KCNT2: variants seen among roughly 807,000 people sequenced by gnomAD.
KCNT2 encodes the protein potassium channel subfamily T member 2.
Under a neutral mutation model 153.8 loss-of-function variants are expected in KCNT2, and 67 were observed. That is an observed-to-expected ratio of 0.44 (90% CI 0.36 to 0.53). The LOEUF (loss-of-function observed/expected upper bound fraction) is 0.53. KCNT2 is among the 20% of genes least tolerant of loss of function. The pLI is 0.00. For synonymous variants in KCNT2, 500 were observed against 458.8 expected (o/e 1.09, Z -1.15); for missense variants, 975 against 1,354.8 (o/e 0.72, Z 4.40).
chr1:196,427,581 C>T (rs1673764166), intron 10 of KCNT2, among the ~76,000 whole-genome samples: 1 of 151,874 alleles, frequency 6.6e-6, no homozygotes. Context: ...CTCAATTCAG[C>T]TAGTTATTGT....
intron 23 of KCNT2, among the ~76,000 whole-genome samples, chr1:196,284,248 A>AATATATATAT (rs1553271463): frequency 1.5e-3 from 15 of 10,046 alleles, no homozygotes; most frequent in Non-Finnish European, 3.7e-3. Flanking sequence ...AAAAAAAAAA[A>AATATATATAT]ATATATATAT....
At chr1:196,300,697 GTTTC>G (rs1661106431) in intron 22 of KCNT2, among the ~76,000 whole-genome samples, 1 of 152,086 alleles carries the variant, frequency 6.6e-6, no homozygotes, top group African/African-American at 2.4e-5. Context: ...CAGATTCCCT[GTTTC>G]TTTGAGTCTT....
chr1:196,428,195 A>T lies in KCNT2; in HGVS notation c.894T>A (p.Thr298=). 6.2e-7 allele frequency: 1 copy of T among 1,612,628 alleles called. No homozygotes were observed. Among genetic ancestry groups the T allele is most frequent in the Non-Finnish European group, 8.5e-7 (1 of 1,178,934 alleles). The change falls in exon 10 of 28, where the codon ACT becomes ACA. Residue 298 remains threonine, a synonymous_variant. Coordinates refer to ENST00000294725, the MANE Select transcript of KCNT2 (RefSeq NM_198503.5). ...GGNYSRHRAQ[T]EKHVVLCVSS... is the part of the protein sequence containing the mutation. ...TGACACACAGGACGACATGCTTTTC[A>T]GTTTGAGCTCTATGTCGACTATAGT...
intron 26 of KCNT2, among the ~76,000 whole-genome samples, chr1:196,240,409 AAAT>A (rs1239308246): frequency 2.0e-5 from 3 of 152,042 alleles, no homozygotes; most frequent in Non-Finnish European, 4.4e-5. Context: ...TATAATTTAA[AAAT>A]AATATGTTCA....
chr1:196,387,017 G>T (rs1670051021), intron 13 of KCNT2, among the ~76,000 whole-genome samples: 1 of 151,836 alleles, frequency 6.6e-6, no homozygotes, highest in Admixed American at 6.6e-5. Flanking sequence ...TTATAATTAG[G>T]TGAATAACAA....
intron 22 of KCNT2, among the ~76,000 whole-genome samples, chr1:196,295,983 T>C (rs1660642912): frequency 6.6e-6 from 1 of 152,010 alleles, no homozygotes; most frequent in Non-Finnish European, 1.5e-5. Context: ...GAGTCTAGAC[T>C]ACTTTGTTGT....
rs371191323 is a variant in KCNT2, at chr1:196,228,282, C to A, written c.3350G>T (p.Arg1117Leu). 1.9e-6 allele frequency: 3 copies of A among 1,611,294 alleles called. No homozygotes were observed. The highest frequency in any genetic ancestry group is 2.2e-5 in the East Asian group (1 of 44,698). ...LAYLPNSEPS[R>L]RNSICNVTGQ... ...AGTGACATTGCAGATGCTGTTTCTT[C>A]GACTGGGCTCACTGTTTGGAAGGTA... Residue 1117 changes from arginine (R) to leucine (L), a missense_variant, in exon 28 of 28, where the codon CGA becomes CTA. By Grantham distance (102) the Arg-to-Leu change is moderately radical (BLOSUM62 -2). Coordinates refer to ENST00000294725, the MANE Select transcript of KCNT2 (RefSeq NM_198503.5).
intron 14 of KCNT2, among the ~76,000 whole-genome samples, chr1:196,349,598 C>A (rs895162023): frequency 2.0e-5 from 3 of 152,160 alleles, no homozygotes; most frequent in Admixed American, 2.0e-4. Flanking sequence ...AGCGGTACAC[C>A]CTATAGACTC....
chr1:196,243,558 A>G (rs1655151479), intron 26 of KCNT2, among the ~76,000 whole-genome samples: 1 of 152,134 alleles, frequency 6.6e-6, no homozygotes, highest in Admixed American at 6.5e-5. Flanking sequence ...AGTGACTGTG[A>G]GACTGCATTG....
At chr1:196,592,126 C>T (rs760569999) in intron 1 of KCNT2, among the ~76,000 whole-genome samples, 8 of 152,068 alleles carry the variant, frequency 5.3e-5, no homozygotes, top group Middle Eastern at 6.8e-3. Context: ...TTTCCATCAA[C>T]CGATGAATGG....
intron 8 of KCNT2, among the ~76,000 whole-genome samples, chr1:196,452,533 A>G (rs968132960): frequency 1.8e-4 from 27 of 151,936 alleles, no homozygotes; most frequent in African/African-American, 9.7e-5. Context: ...ACTCAGCTCC[A>G]TATCAGCTTT....
intron 8 of KCNT2, among the ~76,000 whole-genome samples, chr1:196,432,675 T>C (rs900359935): frequency 6.6e-6 from 1 of 152,118 alleles, no homozygotes; most frequent in Non-Finnish European, 1.5e-5. Flanking sequence ...TGTCTCACCA[T>C]TGTATTTTGG....
intron 26 of KCNT2, among the ~76,000 whole-genome samples, chr1:196,250,462 C>T (rs1655859280): frequency 6.6e-6 from 1 of 152,170 alleles, no homozygotes; most frequent in South Asian, 2.1e-4. Context: ...TTACCTCTCA[C>T]CATTTACAAA....
At chr1:196,419,472 T>C (rs1673022179) in intron 12 of KCNT2, among the ~76,000 whole-genome samples, 1 of 151,416 alleles carries the variant, frequency 6.6e-6, no homozygotes, top group African/African-American at 2.4e-5. Context: ...CTGAGAATGA[T>C]GGTTTCCAGC....
intron 12 of KCNT2, among the ~76,000 whole-genome samples, chr1:196,416,871 T>C (rs1672798566): frequency 6.6e-6 from 1 of 151,998 alleles, no homozygotes; most frequent in Non-Finnish European, 1.5e-5. Flanking sequence ...GTCTTATTCA[T>C]TCTATTTTAT....
Position 196,316,677 on chromosome 1 carries a change from T to C in KCNT2, c.2349-651A>G, listed in dbSNP as rs191114942. On this transcript the variant is annotated intron_variant, in intron 20 of 27. Coordinates refer to ENST00000294725, the MANE Select transcript of KCNT2 (RefSeq NM_198503.5). Reference sequence around the variant, plus strand: ...GATTTCTTTGGCTGGATGAAGTAATTGCTAAAGTAGGAAACACATACCTGT... The same window carrying C: ...GATTTCTTTGGCTGGATGAAGTAATCGCTAAAGTAGGAAACACATACCTGT... 2.5e-3 allele frequency among the ~76,000 whole-genome samples: 373 copies of C among 151,734 alleles called. 3 individuals carry two copies. Among genetic ancestry groups the C allele is most frequent in the African/African-American group, 8.5e-3 (354 of 41,454 alleles).
intron 14 of KCNT2, among the ~76,000 whole-genome samples, chr1:196,354,163 G>A (rs1489613494): frequency 2.0e-5 from 3 of 151,556 alleles, no homozygotes; most frequent in African/African-American, 4.8e-5. Context: ...CACACTAGAG[G>A]TAAACTAAAG....
intron 3 of KCNT2, among the ~76,000 whole-genome samples, chr1:196,482,587 T>C (rs930463418): frequency 3.3e-5 from 5 of 152,154 alleles, no homozygotes; most frequent in East Asian, 1.9e-4. Context: ...TTTCACTTTT[T>C]GTCATTGTTA....
chr1:196,558,479 T>G (rs1191512669), intron 1 of KCNT2, among the ~76,000 whole-genome samples: 1 of 151,188 alleles, frequency 6.6e-6, no homozygotes, highest in Non-Finnish European at 1.5e-5. Context: ...TTGCAGCATT[T>G]GCAGGAAAAT....
Sources: allele counts gnomAD v4.1 joint callset (sites outside exome capture counted in the v4.1 genomes callset), GRCh38; gene constraint gnomAD v4.1.1; transcripts MANE v1.5; gene names NCBI Gene and HGNC (gene_info 2026-07-23, HGNC 2026-07-21).